AHCYL1: variants seen among roughly 807,000 people sequenced by gnomAD.
AHCYL1 encodes the protein S-adenosylhomocysteine hydrolase-like protein 1.
A neutral mutation model predicts 79.3 loss-of-function variants in AHCYL1; 20 were observed. The observed-to-expected ratio is 0.25, with a 90% CI of 0.18 to 0.37. The LOEUF (loss-of-function observed/expected upper bound fraction) is 0.37, where lower values mean the gene tolerates loss of function less well. AHCYL1 is among the 10% of genes least tolerant of loss of function. The probability of loss-of-function intolerance (pLI) is 1.00; values close to 1 mark genes in which losing one functional copy is unlikely to be tolerated. For missense variants in AHCYL1, 330 were observed against 673.6 expected, an observed-to-expected ratio of 0.49 and a Z score of 5.65; for synonymous variants, 223 against 242.2, an observed-to-expected ratio of 0.92 and a Z score of 0.74.
chr1:110,019,214 A>G (rs919305252), intron 14 of AHCYL1, 95 bp downstream of exon 14: 2 of 1,232,518 alleles, frequency 1.6e-6, no homozygotes, highest in East Asian at 2.3e-5. Context: ...TGTTCTCATC[A>G]TCCTATTCTT....
chr1:110,010,250 T>C (rs1232148177), intron 2 of AHCYL1, among the ~76,000 whole-genome samples: 1 of 152,202 alleles, frequency 6.6e-6, no homozygotes, highest in East Asian at 1.9e-4. Flanking sequence ...CTTAGTGATA[T>C]GGTTAAAATG....
chr1:109,985,679 G>A, intron 1 of AHCYL1: 1 of 397,932 alleles, frequency 2.5e-6, no homozygotes, highest in Non-Finnish European at 3.4e-6. Flanking sequence ...TGAAAGCGAT[G>A]AGGGTAACAT....
chr1:109,989,307 G>A (rs1193610816), intron 1 of AHCYL1, among the ~76,000 whole-genome samples: 1 of 152,186 alleles, frequency 6.6e-6, no homozygotes, highest in Non-Finnish European at 1.5e-5. Context: ...GGTTACAAAT[G>A]TATACCTTTT....
At chr1:110,000,351 C>A (rs747160776) in intron 1 of AHCYL1, among the ~76,000 whole-genome samples, 1 of 152,306 alleles carries the variant, frequency 6.6e-6, no homozygotes, top group African/African-American at 2.4e-5. Flanking sequence ...TTACTCCATC[C>A]CCAGAAGACA....
At chr1:109,986,981 C>T (rs886563706) in intron 1 of AHCYL1, among the ~76,000 whole-genome samples, 6 of 152,292 alleles carry the variant, frequency 3.9e-5, no homozygotes, top group African/African-American at 1.4e-4. Flanking sequence ...TGATTTTAGA[C>T]TTATATTGCA....
Position 109,985,151 on chromosome 1 carries a change from C to G in AHCYL1, c.99C>G (p.Thr33=), listed in dbSNP as rs1309002423. 1 of 1,610,074 alleles carries G rather than the reference C, an allele frequency of 6.2e-7. No homozygotes were observed. Among genetic ancestry groups the G allele is most frequent in the Admixed American group, 1.7e-5 (1 of 59,766 alleles). ...EDAEKYSFMA[T]VTKAPKKQIQ... ...CCGAGAAGTACTCCTTCATGGCCAC[C>G]GTCACCAAGGCGCCCAAGAAGGTGC... is the stretch of plus-strand genomic sequence containing the variant. The change falls in exon 1 of 17, where the codon ACC becomes ACG. Residue 33 remains threonine, a synonymous_variant. Coordinates refer to ENST00000369799, the MANE Select transcript of AHCYL1 (RefSeq NM_006621.7).
chr1:110,017,649 T>C (rs1651506420), intron 10 of AHCYL1, 66 bp downstream of exon 10: 2 of 1,505,184 alleles, frequency 1.3e-6, no homozygotes, highest in East Asian at 2.3e-5. Context: ...GAGTTCATAA[T>C]TGAGTATATT....
At position 110,011,274 on chromosome 1, in the gene AHCYL1, A is replaced by C; in HGVS notation, c.293A>C (p.Asn98Thr). 1 of 1,614,042 alleles carries C rather than the reference A, an allele frequency of 6.2e-7. No homozygotes were observed. The highest frequency in any genetic ancestry group is 8.5e-7 in the Non-Finnish European group (1 of 1,180,002). The change falls in exon 3 of 17, where the codon AAC becomes ACC. Residue 98 changes from asparagine (N) to threonine (T), a missense_variant. This residue lies in a region of AHCYL1 where 97 missense variants were observed against 176.3 expected (regional missense o/e 0.55). Coordinates refer to ENST00000369799, the MANE Select transcript of AHCYL1 (RefSeq NM_006621.7). ...EVSPREKQQT[N>T]SKGSSNFCVK... is the part of the protein sequence containing the mutation. ...TCTCCCCGAGAGAAGCAGCAAACCA[A>C]CTCCAAGGGCAGCAGCAATTTCTGT...
intron 15 of AHCYL1, 84 bp downstream of exon 15, chr1:110,019,710 C>CA: frequency 7.5e-7 from 1 of 1,329,372 alleles, no homozygotes; most frequent in Non-Finnish European, 1.0e-6. Context: ...GATTTAGAGT[C>CA]AGAGTTCCAA....
At chr1:110,014,980 G>C in intron 6 of AHCYL1, 123 bp downstream of exon 6, 2 of 897,582 alleles carry the variant, frequency 2.2e-6, no homozygotes, top group Non-Finnish European at 3.5e-6. Context: ...TTGCTAAAGT[G>C]TTTAGCTTGA....
intron 1 of AHCYL1, chr1:110,004,579 A>C: frequency 1.2e-6 from 1 of 826,910 alleles, no homozygotes; most frequent in South Asian, 5.5e-5. Context: ...GTGTTTATTG[A>C]TAACTGTTTC....
intron 1 of AHCYL1, chr1:110,004,160 G>T: frequency 1.0e-6 from 1 of 985,236 alleles, no homozygotes; most frequent in Non-Finnish European, 1.2e-6. Context: ...GATTCTAGCT[G>T]TGTGTGTGTT....
In AHCYL1 at chr1:110,014,855, A is replaced by G. The variant is rs772591932; in HGVS notation, c.673A>G (p.Met225Val). The G allele has an allele frequency of 1.1e-5, 17 of 1,612,606 alleles. No homozygotes were observed. The highest frequency in any genetic ancestry group is 1.7e-5 in the Admixed American group (1 of 60,010). The change falls in exon 6 of 17, where the codon ATG becomes GTG. Residue 225 changes from methionine (M) to valine (V), a missense_variant and splice_region_variant. This residue lies in a region of AHCYL1 where 17 missense variants were observed against 45.6 expected (regional missense o/e 0.37). Transcript: ENST00000369799. ...CVNMDGWQAN[M>V]ILDDGGDLTH... The stretch of plus-strand genomic sequence containing the variant: ...GAACATGGATGGGTGGCAGGCCAAC[A>G]TGGTAATAATGCATATACATCCTAC...
At chr1:110,012,270 C>A (rs994677642) in intron 3 of AHCYL1, 92 bp from the exon 4 acceptor site, 19 of 1,119,366 alleles carry the variant, frequency 1.7e-5, no homozygotes, top group South Asian at 1.1e-4. Context: ...TGCCTCATCT[C>A]ACCATATCTC....
At chr1:110,012,227 C>A in intron 3 of AHCYL1, 135 bp from the exon 4 acceptor site, 1 of 647,506 alleles carries the variant, frequency 1.5e-6, no homozygotes, top group Non-Finnish European at 2.6e-6. Context: ...GTTGAAGCTG[C>A]CAGTCGTCAT....
chr1:109,985,219 G>C (rs751202802), intron 1 of AHCYL1, 47 bp downstream of exon 1: 12 of 1,578,820 alleles, frequency 7.6e-6, no homozygotes, highest in Admixed American at 3.6e-5. Context: ...CCGGCCTCGC[G>C]GAAGGGACGC....
chr1:110,018,987 TTGAC>T, intron 13 of AHCYL1, 60 bp from the exon 14 acceptor site: 1 of 1,521,312 alleles, frequency 6.6e-7, no homozygotes, highest in Non-Finnish European at 9.1e-7. Flanking sequence ...CCGCTTTGGC[TTGAC>T]TTGTATGCCA....
intron 1 of AHCYL1, among the ~76,000 whole-genome samples, chr1:109,995,272 C>T (rs1649971643): frequency 6.6e-6 from 1 of 152,072 alleles, no homozygotes; most frequent in Non-Finnish European, 1.5e-5. Flanking sequence ...TGGAGCCCCT[C>T]CTATTTGGGG....
intron 1 of AHCYL1, among the ~76,000 whole-genome samples, chr1:110,008,222 G>A (rs978300284): frequency 3.1e-4 from 47 of 151,852 alleles, no homozygotes; most frequent in African/African-American, 1.0e-3. Context: ...GGGCTTCACC[G>A]TCTTGGCCAG....
Sources: gnomAD v4.1 joint callset for allele counts (sites outside exome capture counted in the v4.1 genomes callset) on GRCh38, gnomAD v4.1.1 for gene constraint, gnomAD v4.1.1 regional missense constraint, MANE v1.5 for transcripts, NCBI Gene and HGNC (gene_info 2026-07-23, HGNC 2026-07-21) for gene names.